TBC1D19: variants seen among roughly 807,000 people sequenced by gnomAD.
The protein encoded by TBC1D19 is TBC1 domain family member 19, also known as TBC1 domain family, member 19.
In TBC1D19, 60 loss-of-function variants were observed where a neutral mutation model predicts 89.0. The observed-to-expected ratio is 0.67, with a 90% CI of 0.55 to 0.84. TBC1D19 has a LOEUF of 0.84. TBC1D19 is among the 40% of genes least tolerant of loss of function. TBC1D19 has a pLI of 0.00. For missense variants in TBC1D19, 500 were observed against 610.8 expected, an observed-to-expected ratio of 0.82 and a Z score of 1.91; for synonymous variants, 189 against 199.7, an observed-to-expected ratio of 0.95 and a Z score of 0.45.
chr4:26,643,774 T>C (rs1184943010), intron 7 of TBC1D19, among the ~76,000 whole-genome samples: 8 of 152,082 alleles, frequency 5.3e-5, no homozygotes, highest in Non-Finnish European at 1.2e-4. Context: ...AAATACAAAC[T>C]ACCATCAGAG....
At chr4:26,715,215 C>T (rs1007146438) in intron 13 of TBC1D19, among the ~76,000 whole-genome samples, 2 of 152,042 alleles carry the variant, frequency 1.3e-5, no homozygotes, top group African/African-American at 4.8e-5. Context: ...TGATCTCACT[C>T]CCCAAACTGT....
chr4:26,654,273 G>A (rs888883494), intron 7 of TBC1D19, among the ~76,000 whole-genome samples: 4 of 152,152 alleles, frequency 2.6e-5, no homozygotes, highest in Non-Finnish European at 4.4e-5. Context: ...CCCTTTGTGG[G>A]TAACCCAACC....
In TBC1D19 at chr4:26,593,064, C is replaced by G. The variant is rs185542428; in HGVS notation, c.99+8772C>G. 2.5e-3 allele frequency among the ~76,000 whole-genome samples: 388 copies of G among 152,346 alleles called. 4 individuals carry two copies. The highest frequency in any genetic ancestry group is 9.1e-3 in the African/African-American group (378 of 41,566). On this transcript the variant is annotated intron_variant, in intron 1 of 20. Transcript: ENST00000264866. ...TAAGCCAAAAGAACAAAGCTGAAGG[C>G]ATCACACTACGTGACTTCAAACTAT...
At chr4:26,752,852 G>GT (rs1427741827) in intron 19 of TBC1D19, among the ~76,000 whole-genome samples, 2 of 152,068 alleles carry the variant, frequency 1.3e-5, no homozygotes, top group Non-Finnish European at 2.9e-5. Flanking sequence ...TAAGAGACGG[G>GT]TTTTTGCCAT....
chr4:26,624,528 A>G (rs75382873), intron 4 of TBC1D19, among the ~76,000 whole-genome samples: 3,940 of 152,188 alleles, frequency 0.026, 171 homozygotes, highest in African/African-American at 0.089. Context: ...TAATTTCTGT[A>G]TACATCTTTC....
intron 14 of TBC1D19, 139 bp downstream of exon 14, chr4:26,718,156 T>C (rs1716758296): frequency 1.1e-5 from 7 of 620,052 alleles, no homozygotes; most frequent in South Asian, 7.2e-5. Context: ...GTAATTATCC[T>C]TTCATACCTC....
chr4:26,722,282 A>G (rs1717027724), intron 15 of TBC1D19, among the ~76,000 whole-genome samples: 1 of 152,212 alleles, frequency 6.6e-6, no homozygotes, highest in Non-Finnish European at 1.5e-5. Context: ...GCAAGAAACA[A>G]TAACAAAATA....
chr4:26,716,055 C>T (rs74642095), intron 13 of TBC1D19, among the ~76,000 whole-genome samples: 2,330 of 152,216 alleles, frequency 0.015, 22 homozygotes, highest in Non-Finnish European at 0.024. Flanking sequence ...TTTCTCTGTT[C>T]CCCTTTATCT....
the TBC1D19 span, among the ~76,000 whole-genome samples, chr4:26,793,722 CAA>C: frequency 8.0e-4 from 63 of 78,972 alleles, no homozygotes; most frequent in East Asian, 1.4e-3. Flanking sequence ...GACTTCGTCT[CAA>C]AAAAAAAAAA....
At chr4:26,769,405 T>A in the TBC1D19 span, among the ~76,000 whole-genome samples, 34 of 152,188 alleles carry the variant, frequency 2.2e-4, no homozygotes, top group Non-Finnish European at 4.7e-4. Context: ...AGGCTTTTTC[T>A]TATTATTTAA....
At chr4:26,614,229 G>A (rs1287939464) in intron 2 of TBC1D19, among the ~76,000 whole-genome samples, 179 bp from the exon 3 acceptor site, 1 of 152,148 alleles carries the variant, frequency 6.6e-6, no homozygotes, top group Non-Finnish European at 1.5e-5. Flanking sequence ...TTAGACAAGG[G>A]ATATGGTAAG....
intron 1 of TBC1D19, among the ~76,000 whole-genome samples, chr4:26,604,774 G>C (rs1469014707): frequency 6.6e-6 from 1 of 151,732 alleles, no homozygotes; most frequent in Admixed American, 6.6e-5. Context: ...CTAGCTACTC[G>C]GGAGGCTGAG....
At chr4:26,623,629 CTGTT>C (rs1189055572) in intron 4 of TBC1D19, among the ~76,000 whole-genome samples, 1 of 152,126 alleles carries the variant, frequency 6.6e-6, no homozygotes. Flanking sequence ...ATGTCTAAAA[CTGTT>C]TGTGTTCTTT....
At chr4:26,780,869 C>T in the TBC1D19 span, among the ~76,000 whole-genome samples, 1 of 152,170 alleles carries the variant, frequency 6.6e-6, no homozygotes, top group African/African-American at 2.4e-5. Context: ...AAGCCTGGCA[C>T]CTCTGGAGGG....
chr4:26,789,040 A>G, the TBC1D19 span, among the ~76,000 whole-genome samples: 16 of 152,190 alleles, frequency 1.1e-4, no homozygotes, highest in Non-Finnish European at 1.9e-4. Context: ...TGTCACCTCA[A>G]ATTGACCTTA....
At chr4:26,645,856 G>A (rs1743886352) in intron 7 of TBC1D19, among the ~76,000 whole-genome samples, 1 of 151,944 alleles carries the variant, frequency 6.6e-6, no homozygotes, top group African/African-American at 2.4e-5. Flanking sequence ...GGGCGCGGTG[G>A]CTCACGCCTG....
intron 1 of TBC1D19, among the ~76,000 whole-genome samples, chr4:26,601,416 C>T (rs1740598344): frequency 6.6e-6 from 1 of 152,202 alleles, no homozygotes; most frequent in Non-Finnish European, 1.5e-5. Flanking sequence ...TTGAACACTT[C>T]CTATGTGCCA....
the TBC1D19 span, among the ~76,000 whole-genome samples, chr4:26,823,294 C>T: frequency 1.3e-5 from 2 of 152,272 alleles, no homozygotes; most frequent in African/African-American, 2.4e-5. Flanking sequence ...CACCGGGTCC[C>T]TCCCACAACA....
At chr4:26,728,681 T>G (rs1376313310) in intron 15 of TBC1D19, among the ~76,000 whole-genome samples, 1 of 152,204 alleles carries the variant, frequency 6.6e-6, no homozygotes, top group Admixed American at 6.5e-5. Flanking sequence ...TTTAATTTTT[T>G]TAGTTTCTAG....
Sources: allele counts gnomAD v4.1 joint callset (sites outside exome capture counted in the v4.1 genomes callset), GRCh38; gene constraint gnomAD v4.1.1; transcripts MANE v1.5; gene names NCBI Gene and HGNC (gene_info 2026-07-23, HGNC 2026-07-21).